Variants in PIBF1 observed in about 807,000 individuals in gnomAD.
PIBF1 encodes progesterone immunomodulatory binding factor 1.
In PIBF1, 90 loss-of-function variants were observed where a neutral mutation model predicts 112.5. That is an observed-to-expected ratio of 0.80 (90% CI 0.67 to 0.95). The LOEUF is 0.95. Among genes scored for constraint, PIBF1 ranks in the 40% least tolerant of loss-of-function variants. PIBF1 has a pLI of 0.00. For synonymous variants in PIBF1, 301 were observed against 288.6 expected (o/e 1.04, Z -0.44); for missense variants, 915 against 852.3 (o/e 1.07, Z -0.92).
intron 10 of PIBF1, among the ~76,000 whole-genome samples, chr13:72,891,023 A>G (rs1249089145): frequency 6.6e-6 from 1 of 152,128 alleles, no homozygotes; most frequent in Non-Finnish European, 1.5e-5. Flanking sequence ...TTTTTAGGAG[A>G]TAATTCTTGT....
chr13:73,011,554 G>A (rs189391857), intron 17 of PIBF1, among the ~76,000 whole-genome samples: 23 of 152,222 alleles, frequency 1.5e-4, no homozygotes, highest in African/African-American at 5.5e-4. Context: ...TAACTGACCT[G>A]GGAAAAACTC....
chr13:72,910,095 T>G (rs1179484075), intron 12 of PIBF1, among the ~76,000 whole-genome samples: 2 of 152,174 alleles, frequency 1.3e-5, no homozygotes, highest in African/African-American at 4.8e-5. Flanking sequence ...CATTTTTGCA[T>G]AAGGACTGTA....
chr13:72,972,323 T>C (rs1054835525), intron 15 of PIBF1, among the ~76,000 whole-genome samples: 4 of 152,202 alleles, frequency 2.6e-5, no homozygotes, highest in Admixed American at 2.0e-4. Context: ...TGAGCCAGTG[T>C]GCCCTGCCTC....
At chr13:72,875,224 T>G (rs1358223757) in intron 10 of PIBF1, among the ~76,000 whole-genome samples, 3 of 152,220 alleles carry the variant, frequency 2.0e-5, no homozygotes, top group Admixed American at 2.0e-4. Context: ...CCCTGTCTTT[T>G]CATGACTTCA....
At chr13:72,825,266 C>G (rs1449048202) in intron 6 of PIBF1, among the ~76,000 whole-genome samples, 1 of 152,002 alleles carries the variant, frequency 6.6e-6, no homozygotes, top group African/African-American at 2.4e-5. Flanking sequence ...TATATTAGGG[C>G]TAAGTCTCCT....
At chr13:72,905,821 A>G (rs1426115348) in intron 11 of PIBF1, among the ~76,000 whole-genome samples, 2 of 152,200 alleles carry the variant, frequency 1.3e-5, no homozygotes, top group Non-Finnish European at 2.9e-5. Flanking sequence ...TTTAAAGGTC[A>G]TATATGGAAA....
intron 2 of PIBF1, among the ~76,000 whole-genome samples, chr13:72,786,065 GTATT>G (rs528083850): frequency 1.3e-5 from 2 of 152,136 alleles, no homozygotes; most frequent in Non-Finnish European, 1.5e-5. Flanking sequence ...AATGATAATA[GTATT>G]TATTCCGTGG....
At chr13:72,842,617 C>T in intron 9 of PIBF1, among the ~76,000 whole-genome samples, 1 of 152,132 alleles carries the variant, frequency 6.6e-6, no homozygotes, top group East Asian at 1.9e-4. Context: ...TATTGTATTA[C>T]AATGGTGAAT....
chr13:72,935,742 G>T (rs1395956249), intron 14 of PIBF1, among the ~76,000 whole-genome samples: 1 of 152,042 alleles, frequency 6.6e-6, no homozygotes, highest in African/African-American at 2.4e-5. Flanking sequence ...GTGTGTAGTG[G>T]CATATTAGTG....
intron 14 of PIBF1, among the ~76,000 whole-genome samples, chr13:72,943,742 T>C (rs952669151): frequency 6.6e-6 from 1 of 152,264 alleles, no homozygotes; most frequent in Non-Finnish European, 1.5e-5. Flanking sequence ...TCTTTTTCTC[T>C]GATTATGTCT....
In PIBF1 at chr13:72,991,588, G is replaced by A. The variant is rs192324393; in HGVS notation, c.2050-7234G>A. Reference sequence around the variant, plus strand: ...TTTTATCAGACTACGTTATAGAATAGTATTGAAACGTTTCAGCTGGCCAGA... The same window carrying A: ...TTTTATCAGACTACGTTATAGAATAATATTGAAACGTTTCAGCTGGCCAGA... On this transcript the variant is annotated intron_variant, in intron 16 of 17. Coordinates refer to ENST00000326291, the MANE Select transcript of PIBF1 (RefSeq NM_006346.4). Among the ~76,000 whole-genome samples the A allele has an allele frequency of 2.8e-3, 428 of 152,176 alleles. 4 individuals are homozygous for A. Among genetic ancestry groups the A allele is most frequent in the African/African-American group, 0.01 (417 of 41,532 alleles).
intron 10 of PIBF1, among the ~76,000 whole-genome samples, chr13:72,881,547 T>A (rs1594114934): frequency 6.6e-6 from 1 of 151,314 alleles, no homozygotes; most frequent in South Asian, 2.1e-4. Context: ...GAAACCCCGT[T>A]TCTACTAAAA....
At chr13:72,782,547 T>G (rs897661734) in intron 1 of PIBF1, among the ~76,000 whole-genome samples, 198 bp downstream of exon 1, 2 of 152,176 alleles carry the variant, frequency 1.3e-5, no homozygotes, top group Admixed American at 6.5e-5. Context: ...AGGCCGATCT[T>G]AGTATAGTTC....
At chr13:72,842,031 C>A (rs995905648) in intron 9 of PIBF1, among the ~76,000 whole-genome samples, 1 of 152,034 alleles carries the variant, frequency 6.6e-6, no homozygotes, top group Non-Finnish European at 1.5e-5. Flanking sequence ...AATATATATT[C>A]TTAAGTGTTT....
intron 14 of PIBF1, among the ~76,000 whole-genome samples, chr13:72,957,309 A>G (rs1420931669): frequency 2.0e-5 from 3 of 152,234 alleles, no homozygotes; most frequent in South Asian, 4.1e-4. Context: ...TGGTATGTAT[A>G]TATACCATGG....
At chr13:72,963,953 A>G (rs1318530745) in intron 14 of PIBF1, among the ~76,000 whole-genome samples, 1 of 152,214 alleles carries the variant, frequency 6.6e-6, no homozygotes, top group East Asian at 1.9e-4. Context: ...GAATTACCAT[A>G]TGACCTAACA....
At chr13:72,905,269 C>T (rs187530383) in intron 11 of PIBF1, among the ~76,000 whole-genome samples, 11 of 151,918 alleles carry the variant, frequency 7.2e-5, no homozygotes, top group African/African-American at 2.7e-4. Context: ...GGTTTCACCA[C>T]GTTGGCCAGG....
At position 72,850,242 on chromosome 13, in the gene PIBF1, C is replaced by G. The variant is rs967530689; in HGVS notation, c.1224-3815C>G. On this transcript the variant is annotated intron_variant, in intron 9 of 17. Transcript: ENST00000326291. ...GCCTTAGCTTCTTCTGGTCCATTCC[C>G]CAGTTCATTTCTGTTTTCTCTTTCT... is the stretch of plus-strand genomic sequence containing the variant. Among the ~76,000 whole-genome samples, 5 of 152,152 alleles carry G rather than the reference C, an allele frequency of 3.3e-5. No homozygotes were observed. The East Asian group carries it at 9.6e-4, about 29-fold the overall frequency.
rs1566458117 is a variant in PIBF1 at position 72,927,984 on chromosome 13, TATATAC to T, written c.1731-3179_1731-3174del. On this transcript the variant is annotated intron_variant, in intron 13 of 17. Transcript: ENST00000326291. The stretch of plus-strand genomic sequence containing the variant: ...ACACATATATATATATATACATATA[TATATAC>T]ACACACATATATATACATATATATA... Among the ~76,000 whole-genome samples the T allele has an allele frequency of 2.7e-4, 17 of 62,936 alleles. 1 individual carries two copies. In the Admixed American group the frequency reaches 3.3e-3, roughly 12 times the overall value. 41.3% of individuals were successfully genotyped at this position (62,936 alleles called of 152,430 possible).
Sources: allele counts gnomAD v4.1 joint callset (sites outside exome capture counted in the v4.1 genomes callset), GRCh38; gene constraint gnomAD v4.1.1; transcripts MANE v1.5; gene names NCBI Gene and HGNC (gene_info 2026-07-23, HGNC 2026-07-21).